Variants in XKR6 observed in about 807,000 individuals in gnomAD.
The protein encoded by XKR6 is XK related 6.
A neutral mutation model predicts 56.7 loss-of-function variants in XKR6; 22 were observed. That is an observed-to-expected ratio of 0.39 (90% CI 0.28 to 0.55). The LOEUF is 0.55. Ranked by LOEUF, XKR6 falls within the 20% of genes least tolerant of loss-of-function variation. XKR6 has a pLI of 0.66. For synonymous variants in XKR6, 524 were observed against 387.8 expected (o/e 1.35, Z -4.13); for missense variants, 852 against 889.0 (o/e 0.96, Z 0.53).
chr8:11,131,606 T>G (rs1182034429), intron 1 of XKR6, among the ~76,000 whole-genome samples: 1 of 152,184 alleles, frequency 6.6e-6, no homozygotes, highest in Non-Finnish European at 1.5e-5. Context: ...GCCAGTTCTC[T>G]TCCCCTGAAG....
chr8:11,085,858 C>A (rs148382326), intron 1 of XKR6, among the ~76,000 whole-genome samples: 4 of 152,278 alleles, frequency 2.6e-5, no homozygotes, highest in African/African-American at 9.6e-5. Context: ...CCCTACCTTG[C>A]GTCACTCAGG....
At chr8:11,111,424 T>C (rs1466852767) in intron 1 of XKR6, among the ~76,000 whole-genome samples, 1 of 152,172 alleles carries the variant, frequency 6.6e-6, no homozygotes, top group Non-Finnish European at 1.5e-5. Flanking sequence ...GGGTGGACTT[T>C]GCATATTCTA....
chr8:11,094,812 G>T (rs1483692345), intron 1 of XKR6, among the ~76,000 whole-genome samples: 1 of 152,148 alleles, frequency 6.6e-6, no homozygotes, highest in Non-Finnish European at 1.5e-5. Flanking sequence ...CAAAGCCCAG[G>T]CCTGCCTGCA....
chr8:11,196,897 G>A (rs1216973821), intron 1 of XKR6, among the ~76,000 whole-genome samples: 2 of 152,144 alleles, frequency 1.3e-5, no homozygotes, highest in Non-Finnish European at 2.9e-5. Flanking sequence ...CTACATAGAG[G>A]AGCAGACAGG....
intron 1 of XKR6, among the ~76,000 whole-genome samples, chr8:11,084,339 T>C (rs1797815548): frequency 6.6e-6 from 1 of 152,230 alleles, no homozygotes; most frequent in African/African-American, 2.4e-5. Context: ...CATGCTTGAC[T>C]TTCCAGGGCA....
chr8:11,137,572 G>A (rs987871245), intron 1 of XKR6: 9 of 456,154 alleles, frequency 2.0e-5, no homozygotes, highest in African/African-American at 1.8e-4. Flanking sequence ...GAAAAAGACA[G>A]CAGGGAGAAG....
At chr8:11,019,690 G>A (rs578133718) in intron 1 of XKR6, among the ~76,000 whole-genome samples, 6 of 152,306 alleles carry the variant, frequency 3.9e-5, no homozygotes, top group Admixed American at 2.0e-4. Context: ...CTGCAGGGCC[G>A]TAACCCTGGC....
chr8:10,941,395 G>C (rs1801383346), intron 1 of XKR6, among the ~76,000 whole-genome samples: 1 of 152,192 alleles, frequency 6.6e-6, no homozygotes, highest in African/African-American at 2.4e-5. Flanking sequence ...GGGCACCATG[G>C]GCCCTGTGGA....
At chr8:11,169,519 A>T (rs1802256963) in intron 1 of XKR6, among the ~76,000 whole-genome samples, 1 of 152,258 alleles carries the variant, frequency 6.6e-6, no homozygotes, top group Non-Finnish European at 1.5e-5. Flanking sequence ...ATGCTAAGTT[A>T]AATAAGCCAG....
intron 1 of XKR6, among the ~76,000 whole-genome samples, chr8:11,086,358 G>T (rs1456430602): frequency 6.6e-6 from 1 of 151,978 alleles, no homozygotes; most frequent in Non-Finnish European, 1.5e-5. Flanking sequence ...CCCAAAGCCC[G>T]GGCCGAGGAT....
chr8:11,200,676 C>G lies in XKR6; in HGVS notation c.664G>C (p.Val222Leu). 1 of 1,567,812 alleles carries G rather than the reference C, an allele frequency of 6.4e-7. No homozygotes were observed. Among genetic ancestry groups the G allele is most frequent in the Non-Finnish European group, 8.6e-7 (1 of 1,166,054 alleles). The change falls in exon 1 of 3, where the codon GTG (valine) becomes CTG (leucine). Residue 222 changes from valine to leucine, a missense_variant. Val to Leu is a conservative substitution (Grantham distance 32, BLOSUM62 1). Coordinates refer to ENST00000416569, the MANE Select transcript of XKR6 (RefSeq NM_173683.4). This position sits in a 1 kb window ranked among gnomAD's most constrained non-coding sequence, Gnocchi z 6.4. ...VHGAARGGPGVRVSPTPGAQR... is the reference protein window; with the variant it reads ...VHGAARGGPGLRVSPTPGAQR... ...GCCCCCGGCGTGGGGGAGACCCTCA[C>G]GCCTGGGCCACCGCGGGCCGCGCCG...
In XKR6 at chr8:11,168,343, C is replaced by A. The variant is rs187268907; in HGVS notation, c.764+32233G>T. On this transcript the variant is annotated intron_variant, in intron 1 of 2. Transcript: ENST00000416569. Reference sequence around the variant, plus strand: ...TATTTGATTAAAGAATAAATTCAATCGGAGATATAATAATTATAAACATAA... The same window carrying A: ...TATTTGATTAAAGAATAAATTCAATAGGAGATATAATAATTATAAACATAA... 2.6e-5 allele frequency among the ~76,000 whole-genome samples: 4 copies of A among 152,150 alleles called. No homozygotes were observed. In the South Asian group the frequency reaches 8.3e-4, roughly 32 times the overall value.
intron 1 of XKR6, among the ~76,000 whole-genome samples, chr8:11,099,073 G>A (rs1235879056): frequency 6.6e-6 from 1 of 152,142 alleles, no homozygotes; most frequent in Non-Finnish European, 1.5e-5. Flanking sequence ...TAGGCACGCT[G>A]TCCATTTTCG....
At position 11,201,374 on chromosome 8, in the gene XKR6, G is replaced by GA. The variant is rs1804230988; in HGVS notation, c.-36dup. 1 of 1,341,210 alleles carries GA rather than the reference G, an allele frequency of 7.5e-7. No homozygotes were observed. The highest frequency in any genetic ancestry group is 1.7e-5 in the African/African-American group (1 of 59,520). The allele number at this position is 1,341,210 out of a possible 1,614,324, so 83.1% of individuals were successfully genotyped here. On this transcript the variant is annotated 5_prime_UTR_variant, in exon 1 of 3. Coordinates refer to ENST00000416569, the MANE Select transcript of XKR6 (RefSeq NM_173683.4). ...CTTCCCAGCTCCGGAGGTTGGGGGG[G>GA]AGGGACGGCGGGGGGGGGGGGAAGA...
intron 1 of XKR6, among the ~76,000 whole-genome samples, chr8:11,163,244 A>G (rs1043890792): frequency 1.3e-5 from 2 of 152,254 alleles, no homozygotes; most frequent in African/African-American, 4.8e-5. Context: ...AAACATGAGC[A>G]GATTTTAAAC....
At chr8:11,060,284 C>T (rs1432390531) in intron 1 of XKR6, among the ~76,000 whole-genome samples, 2 of 152,154 alleles carry the variant, frequency 1.3e-5, no homozygotes. Context: ...AGACAGCCAG[C>T]AGCAGGGCTT....
intron 1 of XKR6, among the ~76,000 whole-genome samples, chr8:11,135,111 C>T (rs1238414787): frequency 6.6e-6 from 1 of 151,352 alleles, no homozygotes; most frequent in African/African-American, 2.4e-5. Flanking sequence ...TGGCTCACTG[C>T]AAGCTCCGCC....
intron 1 of XKR6, among the ~76,000 whole-genome samples, chr8:10,954,158 C>T (rs1801807369): frequency 6.6e-6 from 1 of 152,152 alleles, no homozygotes; most frequent in African/African-American, 2.4e-5. Context: ...CATATGTTTT[C>T]AATTCTCTTG....
chr8:11,052,190 G>A (rs1014278377), intron 1 of XKR6, among the ~76,000 whole-genome samples: 1 of 152,102 alleles, frequency 6.6e-6, no homozygotes, highest in Admixed American at 6.5e-5. Flanking sequence ...TGCGCTTGGG[G>A]TCTCCTGCCT....
Sources: gnomAD v4.1 joint callset for allele counts (sites outside exome capture counted in the v4.1 genomes callset) on GRCh38, gnomAD v4.1.1 for gene constraint, Gnocchi (gnomAD v3.1) non-coding constraint, MANE v1.5 for transcripts, NCBI Gene and HGNC (gene_info 2026-07-23, HGNC 2026-07-21) for gene names.